The following FARS2 variants were observed in gnomAD, a reference collection of about 807,000 sequenced individuals.
FARS2 encodes the protein phenylalanyl-tRNA synthetase 2, mitochondrial.
A neutral mutation model predicts 46.4 loss-of-function variants in FARS2; 40 were observed. The ratio of observed to expected loss-of-function variants is 0.86; its 90% confidence interval spans 0.67 to 1.12. The LOEUF (loss-of-function observed/expected upper bound fraction) is 1.12, where lower values mean the gene tolerates loss of function less well. FARS2 is among the 50% of genes most tolerant of loss of function. FARS2 has a pLI of 0.00. For missense variants in FARS2, 513 were observed against 567.9 expected, an observed-to-expected ratio of 0.90 and a Z score of 0.98; for synonymous variants, 234 against 214.9, an observed-to-expected ratio of 1.09 and a Z score of -0.78.
At chr6:5,660,807 G>T (rs1270740509) in intron 6 of FARS2, among the ~76,000 whole-genome samples, 4 of 152,236 alleles carry the variant, frequency 2.6e-5, no homozygotes, top group African/African-American at 9.6e-5. Context: ...AAGAAGGCCA[G>T]TGTGGCTGGA....
chr6:5,481,753 C>A (rs1461020805), intron 4 of FARS2, among the ~76,000 whole-genome samples: 1 of 151,956 alleles, frequency 6.6e-6, no homozygotes, highest in Non-Finnish European at 1.5e-5. Flanking sequence ...TTTGGGGTGT[C>A]AGCATGCATT....
At chr6:5,584,214 G>C (rs1365243607) in intron 5 of FARS2, among the ~76,000 whole-genome samples, 1 of 151,782 alleles carries the variant, frequency 6.6e-6, no homozygotes, top group African/African-American at 2.4e-5. Context: ...TTGGCGTAGA[G>C]TCAGCCCCTT....
chr6:5,362,545 G>T lies in FARS2; in HGVS notation c.-21-6005G>T, dbSNP rs534453422. On this transcript the variant is annotated intron_variant, in intron 1 of 6. Transcript: ENST00000274680. Reference sequence around the variant, plus strand: ...GAATAATGCTGCAGTGAACAAGGGGGTGCAGATGTCTCTTTGACATGCTGA... The same window carrying T: ...GAATAATGCTGCAGTGAACAAGGGGTTGCAGATGTCTCTTTGACATGCTGA... Among the ~76,000 whole-genome samples the T allele has an allele frequency of 1.1e-4, 16 of 152,328 alleles. No individual in the cohort carries two copies. In the South Asian group the frequency reaches 3.1e-3, roughly 30 times the overall value.
At chr6:5,732,671 C>T (rs370382832) in intron 6 of FARS2, among the ~76,000 whole-genome samples, 6 of 152,196 alleles carry the variant, frequency 3.9e-5, no homozygotes, top group South Asian at 4.1e-4. Context: ...CCCTGATCCC[C>T]GGACACATCA....
chr6:5,498,464 G>C (rs865918488), intron 4 of FARS2, among the ~76,000 whole-genome samples: 2 of 152,064 alleles, frequency 1.3e-5, no homozygotes, highest in African/African-American at 2.4e-5. Flanking sequence ...ATCATAAAAC[G>C]TAAGTGTTTC....
At chr6:5,264,258 A>AAAC (rs964171874) in intron 1 of FARS2, among the ~76,000 whole-genome samples, 2 of 152,074 alleles carry the variant, frequency 1.3e-5, no homozygotes, top group Non-Finnish European at 2.9e-5. Flanking sequence ...CAAAAAGAAA[A>AAAC]AACAACAACA....
chr6:5,694,045 G>A (rs868253769), intron 6 of FARS2, among the ~76,000 whole-genome samples: 18 of 152,208 alleles, frequency 1.2e-4, no homozygotes, highest in African/African-American at 4.8e-5. Flanking sequence ...TGTCAAAGCC[G>A]CACTGGAAGA....
At chr6:5,517,055 T>C (rs1253690556) in intron 4 of FARS2, among the ~76,000 whole-genome samples, 1 of 152,054 alleles carries the variant, frequency 6.6e-6, no homozygotes, top group East Asian at 1.9e-4. Context: ...TGTGGTGGTA[T>C]GGAATATGAG....
In FARS2 at chr6:5,549,683, A is replaced by G. The variant is rs144019844; in HGVS notation, c.1065+4343A>G. Among the ~76,000 whole-genome samples the G allele has an allele frequency of 2.9e-3, 443 of 152,316 alleles. 8 individuals are homozygous for G. The highest frequency in any genetic ancestry group is 0.01 in the African/African-American group (417 of 41,572). ...GTAATCCTTTAATACTTTAATACAA[A>G]TTAATTCTCTAATACAAAAGGAAAT... On this transcript the variant is annotated intron_variant, in intron 5 of 6. Transcript: ENST00000274680.
intron 6 of FARS2, among the ~76,000 whole-genome samples, chr6:5,689,189 G>C (rs1468721347): frequency 6.6e-6 from 1 of 152,130 alleles, no homozygotes; most frequent in Non-Finnish European, 1.5e-5. Context: ...GGTTTTTTGT[G>C]TCTCTATTTC....
chr6:5,437,050 T>A (rs1016018028), intron 4 of FARS2, among the ~76,000 whole-genome samples: 13 of 152,196 alleles, frequency 8.5e-5, no homozygotes, highest in Admixed American at 2.0e-4. Flanking sequence ...ATGCCCTTTT[T>A]GTAATCTGTT....
At chr6:5,557,900 T>C (rs1005385465) in intron 5 of FARS2, among the ~76,000 whole-genome samples, 1 of 152,098 alleles carries the variant, frequency 6.6e-6, no homozygotes, top group Admixed American at 6.5e-5. Flanking sequence ...GGTTTGAAAT[T>C]GAGTATAGAA....
At chr6:5,280,791 G>A (rs950708128) in intron 1 of FARS2, among the ~76,000 whole-genome samples, 3 of 151,780 alleles carry the variant, frequency 2.0e-5, no homozygotes, top group African/African-American at 7.3e-5. Flanking sequence ...CAGAAAGTAT[G>A]TAGGTTTACA....
At chr6:5,570,221 A>G (rs958905791) in intron 5 of FARS2, among the ~76,000 whole-genome samples, 2 of 152,268 alleles carry the variant, frequency 1.3e-5, no homozygotes, top group African/African-American at 2.4e-5. Flanking sequence ...TGTTCTATCT[A>G]GAAAGTGCTA....
intron 3 of FARS2, among the ~76,000 whole-genome samples, chr6:5,417,688 A>C (rs941933905): frequency 6.6e-6 from 1 of 152,146 alleles, no homozygotes; most frequent in African/African-American, 2.4e-5. Flanking sequence ...ACTGGTTTTA[A>C]GCAGTTTGAT....
At chr6:5,423,327 GA>G (rs1433524653) in intron 3 of FARS2, among the ~76,000 whole-genome samples, 1 of 151,864 alleles carries the variant, frequency 6.6e-6, no homozygotes, top group Non-Finnish European at 1.5e-5. Flanking sequence ...CCAGATTTCA[GA>G]ATGAGGGGCC....
At chr6:5,750,562 C>G (rs1184567296) in intron 6 of FARS2, among the ~76,000 whole-genome samples, 1 of 151,940 alleles carries the variant, frequency 6.6e-6, no homozygotes, top group African/African-American at 2.4e-5. Context: ...GAGAAGGGTC[C>G]CAGGTGAAAG....
chr6:5,694,246 C>T (rs779280173), intron 6 of FARS2, among the ~76,000 whole-genome samples: 40 of 152,300 alleles, frequency 2.6e-4, no homozygotes, highest in Non-Finnish European at 5.4e-4. Context: ...AGGCCTGGTA[C>T]CTGAGCAGCA....
intron 1 of FARS2, among the ~76,000 whole-genome samples, chr6:5,354,274 A>G (rs1429108546): frequency 2.0e-5 from 3 of 152,150 alleles, no homozygotes; most frequent in African/African-American, 7.2e-5. Context: ...TTACAACAGC[A>G]TGAAAGCCTG....
Sources: allele counts gnomAD v4.1 joint callset (sites outside exome capture counted in the v4.1 genomes callset), GRCh38; gene constraint gnomAD v4.1.1; transcripts MANE v1.5; gene names NCBI Gene and HGNC (gene_info 2026-07-23, HGNC 2026-07-21).